MYO16: variants seen among roughly 807,000 people sequenced by gnomAD.
The protein encoded by MYO16 is myosin XVI.
Under a neutral mutation model 205.3 loss-of-function variants are expected in MYO16, and 94 were observed. That is an observed-to-expected ratio of 0.46 (90% CI 0.39 to 0.54). MYO16 has a LOEUF of 0.54. MYO16 is among the 20% of genes least tolerant of loss of function. The probability of loss-of-function intolerance (pLI) is 0.00; values close to 1 mark genes in which losing one functional copy is unlikely to be tolerated. For missense variants in MYO16, 2,315 were observed against 2,387.5 expected (o/e 0.97, Z 0.63); for synonymous variants, 988 against 954.0 (o/e 1.04, Z -0.66).
intron 11 of MYO16, among the ~76,000 whole-genome samples, chr13:108,864,757 A>G (rs1173752242): frequency 6.6e-6 from 1 of 151,958 alleles, no homozygotes; most frequent in Non-Finnish European, 1.5e-5. Context: ...CTTGAACTCC[A>G]GGGCTCAAAC....
intron 1 of MYO16, among the ~76,000 whole-genome samples, chr13:108,607,250 C>T (rs12584540): frequency 0.059 from 9,036 of 152,054 alleles, 720 homozygotes; most frequent in African/African-American, 0.19. Context: ...TGTTTTGAAA[C>T]GTGAGAAATA....
intron 16 of MYO16, among the ~76,000 whole-genome samples, chr13:108,933,585 T>C (rs1442683481): frequency 6.6e-6 from 1 of 152,054 alleles, no homozygotes; most frequent in Non-Finnish European, 1.5e-5. Context: ...TACTAAATTT[T>C]ATTTTATTTT....
intron 2 of MYO16, among the ~76,000 whole-genome samples, chr13:108,706,365 G>T (rs1448402124): frequency 6.6e-6 from 1 of 152,186 alleles, no homozygotes; most frequent in Non-Finnish European, 1.5e-5. Context: ...TAAGGAACAT[G>T]ATGATAATGC....
intron 9 of MYO16, among the ~76,000 whole-genome samples, chr13:108,823,511 G>C (rs560011989): frequency 1.3e-5 from 2 of 152,036 alleles, no homozygotes; most frequent in South Asian, 4.1e-4. Context: ...AATTTCATGT[G>C]CCATGAGACC....
chr13:108,925,024 T>C (rs909419531), intron 16 of MYO16, among the ~76,000 whole-genome samples: 1 of 152,118 alleles, frequency 6.6e-6, no homozygotes, highest in East Asian at 1.9e-4. Flanking sequence ...CATGGGCCCA[T>C]GTGTTTTCCT....
chr13:109,016,249 C>T (rs956255227), intron 22 of MYO16, among the ~76,000 whole-genome samples: 8 of 152,328 alleles, frequency 5.3e-5, no homozygotes, highest in African/African-American at 1.4e-4. Flanking sequence ...GCAGGTTGTT[C>T]AGTTTCCATG....
intron 34 of MYO16, among the ~76,000 whole-genome samples, chr13:109,188,356 A>ATT (rs970992084): frequency 7.2e-5 from 11 of 152,286 alleles, no homozygotes; most frequent in South Asian, 4.1e-4. Flanking sequence ...CCCACAAAAA[A>ATT]TTCACCCCTT....
chr13:108,664,944 C>T (rs972038475), intron 1 of MYO16, among the ~76,000 whole-genome samples: 2 of 152,178 alleles, frequency 1.3e-5, no homozygotes, highest in African/African-American at 4.8e-5. Context: ...AAAATTCTCT[C>T]CACAATTTTG....
chr13:109,128,362 A>G (rs1405849135), intron 31 of MYO16, among the ~76,000 whole-genome samples: 1 of 152,236 alleles, frequency 6.6e-6, no homozygotes, highest in Non-Finnish European at 1.5e-5. Flanking sequence ...GGGTAGTAGT[A>G]CAGGATGGAA....
At chr13:108,755,966 T>A (rs1885410504) in intron 4 of MYO16, among the ~76,000 whole-genome samples, 1 of 152,218 alleles carries the variant, frequency 6.6e-6, no homozygotes, top group South Asian at 2.1e-4. Flanking sequence ...ACTTCTGTGT[T>A]ATATTGTGGC....
intron 2 of MYO16, among the ~76,000 whole-genome samples, chr13:108,689,868 AT>A (rs1882823570): frequency 6.6e-6 from 1 of 152,242 alleles, no homozygotes; most frequent in Non-Finnish European, 1.5e-5. Flanking sequence ...TAAAAATAGT[AT>A]TCAAAACAAG....
chr13:108,830,342 A>G (rs1876537469), intron 9 of MYO16, among the ~76,000 whole-genome samples: 1 of 141,452 alleles, frequency 7.1e-6, no homozygotes, highest in African/African-American at 2.6e-5. Context: ...TCACAATAGC[A>G]AAGACCTGGA....
chr13:109,187,102 C>T (rs1879719607), intron 34 of MYO16, among the ~76,000 whole-genome samples: 1 of 152,008 alleles, frequency 6.6e-6, no homozygotes, highest in Admixed American at 6.6e-5. Context: ...ATTTTATTTC[C>T]TGGTTGCCAA....
At chr13:108,962,718 G>T (rs1260044933) in intron 19 of MYO16, among the ~76,000 whole-genome samples, 1 of 152,170 alleles carries the variant, frequency 6.6e-6, no homozygotes, top group African/African-American at 2.4e-5. Flanking sequence ...TAGATAATCT[G>T]TCACCTTAGA....
intron 27 of MYO16, among the ~76,000 whole-genome samples, chr13:109,069,620 A>G (rs9559481): frequency 0.11 from 17,327 of 151,540 alleles, 1,369 homozygotes; most frequent in East Asian, 0.43. Flanking sequence ...ATATGACCTC[A>G]TGGCTTTTCT....
chr13:108,823,276 G>A lies in MYO16; in HGVS notation c.1095G>A (p.Lys365=), dbSNP rs1876082078. The change falls in exon 9 of 35, where the codon AAG becomes AAA. Residue 365 remains lysine (K), a splice_region_variant and synonymous_variant. Transcript: ENST00000457511. ...ACGATCTTCCCGTACTGTCGAGTAA[G>A]CTGTAAGTGTCTTCCTGCTTATTCT... ...IIHDLPVLSS[K]LSPLVLPIAK... is the part of the protein sequence containing the mutation. The A allele has an allele frequency of 1.2e-6, 2 of 1,602,106 alleles. No homozygotes were observed. Among genetic ancestry groups the A allele is most frequent in the African/African-American group, 1.3e-5 (1 of 74,582 alleles).
chr13:108,660,823 G>C (rs970443627), intron 1 of MYO16, among the ~76,000 whole-genome samples: 1 of 152,146 alleles, frequency 6.6e-6, no homozygotes, highest in Non-Finnish European at 1.5e-5. Context: ...CATGCTTGTT[G>C]TTGCCTGTGT....
chr13:108,979,098 C>T (rs1268754487), intron 20 of MYO16, among the ~76,000 whole-genome samples: 1 of 151,992 alleles, frequency 6.6e-6, no homozygotes, highest in Non-Finnish European at 1.5e-5. Context: ...TCTGCCTATG[C>T]AAATTATTTT....
At chr13:108,541,891 A>C in the MYO16 span, among the ~76,000 whole-genome samples, 86 of 152,318 alleles carry the variant, frequency 5.6e-4, no homozygotes, top group Non-Finnish European at 9.7e-4. Flanking sequence ...GCCATTGTGG[A>C]AAGCAGTTTG....
Sources: gnomAD v4.1 joint callset for allele counts (sites outside exome capture counted in the v4.1 genomes callset) on GRCh38, gnomAD v4.1.1 for gene constraint, MANE v1.5 for transcripts, NCBI Gene and HGNC (gene_info 2026-07-23, HGNC 2026-07-21) for gene names.